Variants in CARS1 observed in about 807,000 individuals in gnomAD.
CARS1 encodes cysteine--tRNA ligase, cytoplasmic.
In CARS1, 48 loss-of-function variants were observed where a neutral mutation model predicts 106.2. The observed-to-expected ratio is 0.45, with a 90% CI of 0.36 to 0.57. CARS1 has a LOEUF of 0.57. CARS1 is among the 20% of genes least tolerant of loss of function. The pLI is 0.00. For missense variants in CARS1, 968 were observed against 1,057.2 expected (o/e 0.92, Z 1.17); for synonymous variants, 409 against 403.4 (o/e 1.01, Z -0.17).
rs1031756379 is a variant in CARS1 at position 3,034,031 on chromosome 11, C to T, written c.801+4019G>A. 2.0e-5 allele frequency among the ~76,000 whole-genome samples: 3 copies of T among 152,202 alleles called. No homozygotes were observed. The highest frequency in any genetic ancestry group is 6.5e-5 in the Admixed American group (1 of 15,288). ...TCCTGGGCTCAAGGGATCCTCTTGC[C>T]TTGGCCTCCCAAGGTGCTATGATTA... On this transcript the variant is annotated intron_variant, in intron 7 of 22. Coordinates refer to ENST00000380525, the MANE Select transcript of CARS1 (RefSeq NM_001014437.3). The surrounding 1 kb of genome is among the most constrained non-coding windows in gnomAD (Gnocchi z 6.3).
At chr11:3,031,152 T>C (rs1355735175) in intron 7 of CARS1, 1 of 152,162 alleles carries the variant, frequency 6.6e-6, no homozygotes, top group Non-Finnish European at 1.5e-5. Flanking sequence ...GCACACAAAA[T>C]ATCCAATAGG....
chr11:3,051,768 C>T (rs751262713), intron 1 of CARS1, among the ~76,000 whole-genome samples: 12 of 152,212 alleles, frequency 7.9e-5, no homozygotes, highest in Admixed American at 2.0e-4. Context: ...TTCCCCAATG[C>T]TGACCCTCCA....
rs1465579257 is a variant in CARS1, at chr11:3,041,596, CTGT to C, written c.366+566_366+568del. Among the ~76,000 whole-genome samples, 5 of 152,158 alleles carry C rather than the reference CTGT, an allele frequency of 3.3e-5. No individual in the cohort carries two copies. Among genetic ancestry groups the C allele is most frequent in the African/African-American group, 1.2e-4 (5 of 41,444 alleles). On this transcript the variant is annotated intron_variant, in intron 3 of 22. Transcript: ENST00000380525. This position sits in a 1 kb window ranked among gnomAD's most constrained non-coding sequence, Gnocchi z 4.9. ...CATGAACTCCCTCACACCTGACTCT[CTGT>C]CTGCCAAACATGCTCCCTGATGGAA...
intron 7 of CARS1, among the ~76,000 whole-genome samples, chr11:3,035,415 A>T (rs1853488255): frequency 6.6e-6 from 1 of 152,186 alleles, no homozygotes; most frequent in Non-Finnish European, 1.5e-5. Context: ...CAACAATACA[A>T]ATGCAGGTGT....
In CARS1 at chr11:3,029,120, T is replaced by A. The variant is rs982698494; in HGVS notation, c.943-36A>T. On this transcript the variant is annotated intron_variant, in intron 8 of 22. Transcript: ENST00000380525. The surrounding 1 kb of genome is among the most constrained non-coding windows in gnomAD (Gnocchi z 5.9). The stretch of plus-strand genomic sequence containing the variant: ...CATGAGAATGTCCTGGGATTTTCCC[T>A]TCTGAAAACCACGCGCTCCATAAAA... 2 of 1,545,380 alleles carry A rather than the reference T, an allele frequency of 1.3e-6. No homozygotes were observed. The highest frequency in any genetic ancestry group is 1.4e-5 in the African/African-American group (1 of 73,626).
intron 12 of CARS1, 99 bp from the exon 13 acceptor site, chr11:3,018,848 C>A: frequency 1.4e-6 from 2 of 1,478,698 alleles, no homozygotes; most frequent in African/African-American, 1.4e-5. Context: ...TGTCCACAGG[C>A]AGGAGCTGCG....
chr11:3,011,128 C>G (rs1329142164), intron 18 of CARS1, among the ~76,000 whole-genome samples: 1 of 152,218 alleles, frequency 6.6e-6, no homozygotes, highest in Non-Finnish European at 1.5e-5. Flanking sequence ...ATCCTAAGTC[C>G]TCAGTGTGTG....
Position 3,041,064 on chromosome 11 carries a change from T to C in CARS1, c.367-80A>G, listed in dbSNP as rs759229925. 3 of 1,607,452 alleles carry C rather than the reference T, an allele frequency of 1.9e-6. No homozygotes were observed. The highest frequency in any genetic ancestry group is 1.3e-5 in the African/African-American group (1 of 74,702). ...GGATTACCAAAAACAGCAACAAACA[T>C]CACAGTGTGGTTTGTGTTTAGTGTA... On this transcript the variant is annotated intron_variant, in intron 3 of 22. Coordinates refer to ENST00000380525, the MANE Select transcript of CARS1 (RefSeq NM_001014437.3). This position sits in a 1 kb window ranked among gnomAD's most constrained non-coding sequence, Gnocchi z 4.9.
At chr11:3,055,238 G>A (rs1165720772) in intron 1 of CARS1, among the ~76,000 whole-genome samples, 1 of 152,068 alleles carries the variant, frequency 6.6e-6, no homozygotes, top group Non-Finnish European at 1.5e-5. Context: ...TCGACTCACT[G>A]CAAGCTCCGC....
chr11:3,001,136 G>C lies in CARS1; in HGVS notation c.2474C>G (p.Ala825Gly). 6.2e-7 allele frequency: 1 copy of C among 1,613,966 alleles called. No individual in the cohort carries two copies. ...EKLYKEYLQMAQNGSFQ is the reference protein window; with the variant it reads ...EKLYKEYLQMGQNGSFQ ...CCCTCACTGGAAGCTTCCATTCTGG[G>C]CCATCTGCAGATATTCCTTGTAGAG... Residue 825 changes from alanine (A) to glycine (G), a missense_variant, in exon 23 of 23, where the codon GCC (alanine) becomes GGC (glycine). Physicochemically the swap from Ala to Gly is moderately conservative, Grantham distance 60. Coordinates refer to ENST00000380525, the MANE Select transcript of CARS1 (RefSeq NM_001014437.3).
chr11:3,029,013 A>C lies in CARS1; in HGVS notation c.1014T>G (p.Ile338Met). Residue 338 changes from isoleucine (I) to methionine (M), a missense_variant, in exon 9 of 23, where the codon ATT becomes ATG. Coordinates refer to ENST00000380525, the MANE Select transcript of CARS1 (RefSeq NM_001014437.3). This position sits in a 1 kb window ranked among gnomAD's most constrained non-coding sequence, Gnocchi z 5.9. ...VPEIVNFVQK[I>M]VDNGYGYVSN... ...GTGCTTACCCGTAACCGTTGTCCACAATCTTCTGGACAAAGTTCACAATTT... is the reference window on the plus strand; with the variant it reads ...GTGCTTACCCGTAACCGTTGTCCACCATCTTCTGGACAAAGTTCACAATTT... 6.2e-7 allele frequency: 1 copy of C among 1,613,808 alleles called. No individual in the cohort carries two copies. The highest frequency in any genetic ancestry group is 8.5e-7 in the Non-Finnish European group (1 of 1,179,756).
rs149570885 is a variant in CARS1, at chr11:3,051,948, C to T, written c.26-3947G>A. 3.9e-3 allele frequency among the ~76,000 whole-genome samples: 588 copies of T among 152,358 alleles called. 2 individuals carry two copies. The highest frequency in any genetic ancestry group is 0.014 in the African/African-American group (562 of 41,574). Reference sequence around the variant, plus strand: ...AGCGAGCTGACAGTCACGTGCCTCTCACACTCAGAATGGATTCTGATGGAG... The same window carrying T: ...AGCGAGCTGACAGTCACGTGCCTCTTACACTCAGAATGGATTCTGATGGAG... On this transcript the variant is annotated intron_variant, in intron 1 of 22. Transcript: ENST00000380525.
At position 3,029,363 on chromosome 11, in the gene CARS1, G is replaced by C; in HGVS notation, c.882C>G (p.Ile294Met). The change falls in exon 8 of 23, where the codon ATC (isoleucine) becomes ATG (methionine). Residue 294 changes from isoleucine (I) to methionine (M), a missense_variant. Coordinates refer to ENST00000380525, the MANE Select transcript of CARS1 (RefSeq NM_001014437.3). This position sits in a 1 kb window ranked among gnomAD's most constrained non-coding sequence, Gnocchi z 5.9. The part of the protein sequence containing the change: ...TLGCDVTDNS[I>M]FSKLPKFWEG... ...CCCAGAACTTGGGCAGCTTGGAGAA[G>C]ATGGAATTGTCAGTGACATCACAGC... is the stretch of plus-strand genomic sequence containing the variant. The C allele has an allele frequency of 6.2e-7, 1 of 1,614,030 alleles. No individual in the cohort carries two copies. The highest frequency in any genetic ancestry group is 8.5e-7 in the Non-Finnish European group (1 of 1,179,888).
intron 7 of CARS1, among the ~76,000 whole-genome samples, chr11:3,033,539 A>G (rs569666119): frequency 6.6e-6 from 1 of 152,234 alleles, no homozygotes; most frequent in Non-Finnish European, 1.5e-5. Flanking sequence ...AATGGAAATT[A>G]GAAATTGTTT....
intron 2 of CARS1, among the ~76,000 whole-genome samples, chr11:3,047,272 A>C (rs420151): frequency 1.4e-5 from 2 of 141,542 alleles, no homozygotes; most frequent in East Asian, 4.1e-4. Context: ...GCGAGACTCC[A>C]TCTCAAAAAA....
rs1336800248 is a variant in CARS1 at position 3,047,770 on chromosome 11, G to C, written c.257C>G (p.Pro86Arg). Residue 86 changes from proline (P) to arginine (R), a missense_variant, in exon 2 of 23, where the codon CCC (proline) becomes CGC (arginine). Transcript: ENST00000380525. ...TTACTCACTTGCTTGGAGCCTGCAG[G>C]GCTGGCCTTTGCCACAGGGGCTACC... The part of the protein sequence containing the change: ...LLGSPCGKGQ[P>R]CRLQASKGRR... 2.5e-6 allele frequency: 4 copies of C among 1,613,102 alleles called. No homozygotes were observed. The highest frequency in any genetic ancestry group is 3.4e-6 in the Non-Finnish European group (4 of 1,179,364).
Position 3,040,453 on chromosome 11 carries a change from C to A in CARS1, c.455+443G>T, listed in dbSNP as rs1164922854. 3 of 451,766 alleles carry A rather than the reference C, an allele frequency of 6.6e-6. 1 individual carries two copies. The highest frequency in any genetic ancestry group is 6.0e-5 in the African/African-American group (3 of 50,102). The allele number at this position is 451,766 out of a possible 1,614,324, so 28.0% of individuals were successfully genotyped here. A position where few individuals can be genotyped will look rare whatever the true frequency, so the allele number is the denominator to read the frequency against. On this transcript the variant is annotated intron_variant, in intron 4 of 22. Coordinates refer to ENST00000380525, the MANE Select transcript of CARS1 (RefSeq NM_001014437.3). The surrounding 1 kb of genome is among the most constrained non-coding windows in gnomAD (Gnocchi z 5.8). ...AAGGACTCTGTGGCATTTACCCCAA[C>A]AGCCAGCTACTCGTCAGGAGCTACA...
rs374149331 is a variant in CARS1, at chr11:3,028,585, A to G, written c.1031+411T>C. On this transcript the variant is annotated intron_variant, in intron 9 of 22. Transcript: ENST00000380525. This position sits in a 1 kb window ranked among gnomAD's most constrained non-coding sequence, Gnocchi z 4.4. ...GATTTGCCAACAAAAAGTCACTAAAATCATAGCCAAGCGATAGATGCTGAT... is the reference window on the plus strand; with the variant it reads ...GATTTGCCAACAAAAAGTCACTAAAGTCATAGCCAAGCGATAGATGCTGAT... The G allele has an allele frequency of 1.4e-4, 38 of 264,290 alleles. No individual in the cohort carries two copies. Among genetic ancestry groups the G allele is most frequent in the East Asian group, 1.1e-3 (13 of 12,148 alleles). 16.4% of individuals were successfully genotyped at this position (264,290 alleles called of 1,614,324 possible). A position where few individuals can be genotyped will look rare whatever the true frequency, so the allele number is the denominator to read the frequency against.
In CARS1 at chr11:3,012,226, T is replaced by G; in HGVS notation, c.2037A>C (p.Glu679Asp). 3 of 1,614,228 alleles carry G rather than the reference T, an allele frequency of 1.9e-6. No homozygotes were observed. The highest frequency in any genetic ancestry group is 2.5e-6 in the Non-Finnish European group (3 of 1,180,020). ...GCTCTCGGGCAATCTTCCGCACTCCTTCTCGGAATTCTGATAACACCTGAA... is the reference window on the plus strand; with the variant it reads ...GCTCTCGGGCAATCTTCCGCACTCCGTCTCGGAATTCTGATAACACCTGAA... ...PYLQVLSEFREGVRKIAREQK... is the reference protein window; with the variant it reads ...PYLQVLSEFRDGVRKIAREQK... Residue 679 changes from glutamate to aspartate, a missense_variant, in exon 18 of 23, where the codon GAA (glutamate) becomes GAC (aspartate). Coordinates refer to ENST00000380525, the MANE Select transcript of CARS1 (RefSeq NM_001014437.3).
Sources: allele counts gnomAD v4.1 joint callset (sites outside exome capture counted in the v4.1 genomes callset), GRCh38; gene constraint gnomAD v4.1.1; non-coding constraint Gnocchi (gnomAD v3.1); transcripts MANE v1.5; gene names NCBI Gene and HGNC (gene_info 2026-07-23, HGNC 2026-07-21).